CNTNAP5: variants seen among roughly 807,000 people sequenced by gnomAD.
CNTNAP5 encodes the protein contactin associated protein family member 5, also known as contactin-associated protein-like 5.
In CNTNAP5, 72 loss-of-function variants were observed where a neutral mutation model predicts 150.2. That is an observed-to-expected ratio of 0.48 (90% CI 0.40 to 0.58). The LOEUF (loss-of-function observed/expected upper bound fraction) is 0.58, where lower values mean the gene tolerates loss of function less well. Among genes scored for constraint, CNTNAP5 ranks in the 20% least tolerant of loss-of-function variants. The pLI is 0.00. For synonymous variants in CNTNAP5, 672 were observed against 619.8 expected, an observed-to-expected ratio of 1.08 and a Z score of -1.25; for missense variants, 1,636 against 1,626.2, an observed-to-expected ratio of 1.01 and a Z score of -0.10.
chr2:124,046,167 G>A (rs1258269297), intron 1 of CNTNAP5, among the ~76,000 whole-genome samples: 1 of 152,112 alleles, frequency 6.6e-6, no homozygotes, highest in Non-Finnish European at 1.5e-5. Flanking sequence ...CTGACGGAGT[G>A]AGTGTGAGCT....
At chr2:124,394,287 G>T (rs781207975) in intron 3 of CNTNAP5, among the ~76,000 whole-genome samples, 2 of 150,372 alleles carry the variant, frequency 1.3e-5, no homozygotes, top group African/African-American at 2.4e-5. Context: ...CATGAGAATC[G>T]CTTGAACCCA....
In CNTNAP5 at chr2:124,420,103, G is replaced by A. The variant is rs1692063119; in HGVS notation, c.529+2513G>A. Among the ~76,000 whole-genome samples, 4 of 145,494 alleles carry A rather than the reference G, an allele frequency of 2.7e-5. No homozygotes were observed. The South Asian group carries it at 8.7e-4, about 31-fold the overall frequency. ...CCTCCTGAGTTCAAGTGATTCTGCT[G>A]CCTCACCCTCCTAAGTAGCTGGGAT... On this transcript the variant is annotated intron_variant, in intron 4 of 23. Coordinates refer to ENST00000682447, the MANE Select transcript of CNTNAP5 (RefSeq NM_001367498.1).
At chr2:124,345,891 T>C (rs573421676) in intron 3 of CNTNAP5, among the ~76,000 whole-genome samples, 3 of 152,120 alleles carry the variant, frequency 2.0e-5, no homozygotes, top group South Asian at 4.1e-4. Flanking sequence ...AACTGAGAAA[T>C]AACAAAAAGA....
intron 13 of CNTNAP5, among the ~76,000 whole-genome samples, chr2:124,716,724 A>G (rs1420498742): frequency 6.6e-6 from 1 of 152,170 alleles, no homozygotes; most frequent in East Asian, 1.9e-4. Context: ...ATATTTTTAG[A>G]ATAGGCAACT....
intron 1 of CNTNAP5, among the ~76,000 whole-genome samples, chr2:124,205,705 C>A (rs1019522725): frequency 1.3e-5 from 2 of 152,256 alleles, no homozygotes; most frequent in South Asian, 2.1e-4. Flanking sequence ...CCCGGCCAAA[C>A]CTTTTTTCTT....
At chr2:124,510,301 C>CTATATCTATATATATA (rs1553474656) in intron 8 of CNTNAP5, among the ~76,000 whole-genome samples, 2 of 106,056 alleles carry the variant, frequency 1.9e-5, no homozygotes, top group Admixed American at 2.4e-4. Context: ...ATCTATATAT[C>CTATATCTATATATATA]TATATATATA....
chr2:124,642,714 A>T (rs573677314), intron 12 of CNTNAP5, among the ~76,000 whole-genome samples: 2 of 152,316 alleles, frequency 1.3e-5, no homozygotes, highest in South Asian at 2.1e-4. Flanking sequence ...TTCTCCCCAG[A>T]TGATGGTAGG....
At chr2:124,154,148 C>T (rs1257510349) in intron 1 of CNTNAP5, among the ~76,000 whole-genome samples, 1 of 152,168 alleles carries the variant, frequency 6.6e-6, no homozygotes. Flanking sequence ...TCCTTAGTTA[C>T]ACGTTCTGTT....
Position 124,059,336 on chromosome 2 carries a change from G to A in CNTNAP5, c.82+33604G>A, listed in dbSNP as rs190610062. ...AAGATATCACATTTCTGTGAACATC[G>A]AATAAAGTAAATAAGGTCTCCCTCT... On this transcript the variant is annotated intron_variant, in intron 1 of 23. Coordinates refer to ENST00000682447, the MANE Select transcript of CNTNAP5 (RefSeq NM_001367498.1). Among the ~76,000 whole-genome samples the A allele has an allele frequency of 1.9e-3, 286 of 152,216 alleles. 1 individual carries two copies. The highest frequency in any genetic ancestry group is 6.5e-3 in the African/African-American group (270 of 41,530).
intron 22 of CNTNAP5, among the ~76,000 whole-genome samples, chr2:124,907,920 A>T (rs965078674): frequency 2.0e-5 from 3 of 151,460 alleles, no homozygotes; most frequent in Non-Finnish European, 2.9e-5. Flanking sequence ...AGCTGGGTTA[A>T]TATATATTAA....
chr2:124,256,223 C>A (rs1471609386), intron 3 of CNTNAP5, among the ~76,000 whole-genome samples: 1 of 152,068 alleles, frequency 6.6e-6, no homozygotes, highest in Non-Finnish European at 1.5e-5. Flanking sequence ...TTGTCAATGT[C>A]TTTCTAGCTG....
At chr2:124,717,742 T>G (rs1204140498) in intron 13 of CNTNAP5, among the ~76,000 whole-genome samples, 1 of 152,172 alleles carries the variant, frequency 6.6e-6, no homozygotes. Flanking sequence ...GCCTGAACGA[T>G]GTTTGAAAGT....
chr2:124,471,290 G>A (rs142059758), intron 6 of CNTNAP5, among the ~76,000 whole-genome samples: 2 of 152,100 alleles, frequency 1.3e-5, no homozygotes, highest in East Asian at 3.9e-4. Flanking sequence ...CACTTTCCTT[G>A]TTAGCTATAT....
At chr2:124,836,299 G>A (rs1248854331) in intron 19 of CNTNAP5, among the ~76,000 whole-genome samples, 1 of 152,114 alleles carries the variant, frequency 6.6e-6, no homozygotes, top group Non-Finnish European at 1.5e-5. Flanking sequence ...ATTATTAGTA[G>A]TATTAGTCAG....
chr2:124,349,874 CTTTTTTTT>C (rs70996061), intron 3 of CNTNAP5, among the ~76,000 whole-genome samples: 26 of 81,824 alleles, frequency 3.2e-4, no homozygotes, highest in East Asian at 1.6e-3. Context: ...CTGGCTATTT[CTTTTTTTT>C]TTTTTTTTTT....
At chr2:124,097,006 A>C (rs1178316877) in intron 1 of CNTNAP5, among the ~76,000 whole-genome samples, 1 of 152,162 alleles carries the variant, frequency 6.6e-6, no homozygotes, top group East Asian at 1.9e-4. Flanking sequence ...GTCCGGCCCC[A>C]AATCTTTTAA....
At chr2:124,239,104 G>A (rs1352866931) in intron 2 of CNTNAP5, among the ~76,000 whole-genome samples, 1 of 152,132 alleles carries the variant, frequency 6.6e-6, no homozygotes, top group African/African-American at 2.4e-5. Context: ...AGATTAATAA[G>A]CTAAGTTTTT....
chr2:124,587,957 T>A (rs1254463188), intron 11 of CNTNAP5, among the ~76,000 whole-genome samples: 1 of 152,194 alleles, frequency 6.6e-6, no homozygotes. Context: ...TTGTTTTGAC[T>A]AGTGGTATGT....
At chr2:124,701,296 C>T (rs1679515957) in intron 13 of CNTNAP5, among the ~76,000 whole-genome samples, 2 of 152,114 alleles carry the variant, frequency 1.3e-5, no homozygotes, top group African/African-American at 4.8e-5. Context: ...CTGTGTCTGG[C>T]TCATTTCACT....
Sources: allele counts gnomAD v4.1 joint callset (sites outside exome capture counted in the v4.1 genomes callset), GRCh38; gene constraint gnomAD v4.1.1; transcripts MANE v1.5; gene names NCBI Gene and HGNC (gene_info 2026-07-23, HGNC 2026-07-21).